Variants in USP3 observed in about 807,000 individuals in gnomAD.
The protein encoded by USP3 is ubiquitin carboxyl-terminal hydrolase 3.
Under a neutral mutation model 72.3 loss-of-function variants are expected in USP3, and 20 were observed. The ratio of observed to expected loss-of-function variants is 0.28; its 90% CI spans 0.19 to 0.40. The LOEUF (loss-of-function observed/expected upper bound fraction) is 0.40. USP3 is among the 10% of genes least tolerant of loss of function. USP3 has a pLI of 1.00. For missense variants in USP3, 479 were observed against 633.9 expected, an observed-to-expected ratio of 0.76 and a Z score of 2.62; for synonymous variants, 222 against 225.3, an observed-to-expected ratio of 0.99 and a Z score of 0.13.
At chr15:63,586,004 G>A (rs1186518936) in intron 11 of USP3, among the ~76,000 whole-genome samples, 1 of 152,086 alleles carries the variant, frequency 6.6e-6, no homozygotes, top group Non-Finnish European at 1.5e-5. Flanking sequence ...CATCAATAGT[G>A]AGTCTTCCTA....
chr15:63,504,836 T>C lies in USP3; in HGVS notation c.91+6T>C. The C allele has an allele frequency of 1.9e-6, 3 of 1,599,788 alleles. No homozygotes were observed. The highest frequency in any genetic ancestry group is 2.6e-6 in the Non-Finnish European group (3 of 1,174,646). On this transcript the variant is annotated splice_donor_region_variant and intron_variant, in intron 1 of 14. Transcript: ENST00000380324. Reference sequence around the variant, plus strand: ...GTCGTCCTGGTGCTGCAGCGGTGAGTGCGGCCACGGGCCGGCCCCGCAGCG... The same window carrying C: ...GTCGTCCTGGTGCTGCAGCGGTGAGCGCGGCCACGGGCCGGCCCCGCAGCG...
In USP3 at chr15:63,592,498, G is replaced by C. The variant is rs1445474616; in HGVS notation, c.*1672G>C. 6.7e-6 allele frequency: 1 copy of C among 149,092 alleles called. No individual in the cohort carries two copies. The highest frequency in any genetic ancestry group is 1.5e-5 in the Non-Finnish European group (1 of 67,620). 9.2% of individuals were successfully genotyped at this position (149,092 alleles called of 1,614,324 possible). ...GTCTTACTCTGTCCCTCAGGCTGGA[G>C]TGCAGTGTGGCATGATCACAGCTCA... On this transcript the variant is annotated 3_prime_UTR_variant, in exon 15 of 15. Transcript: ENST00000380324.
At chr15:63,512,968 GA>G (rs1253166236) in intron 1 of USP3, among the ~76,000 whole-genome samples, 2 of 152,208 alleles carry the variant, frequency 1.3e-5, no homozygotes, top group African/African-American at 4.8e-5. Context: ...ACCCTTTGAA[GA>G]GGGAATTGTG....
rs191085227 is a variant in USP3, at chr15:63,591,652, C to A, written c.*826C>A. 6.6e-6 allele frequency: 1 copy of A among 152,178 alleles called. No individual in the cohort carries two copies. The highest frequency in any genetic ancestry group is 1.5e-5 in the Non-Finnish European group (1 of 68,050). The allele number at this position is 152,178 out of a possible 1,614,324, so 9.4% of individuals were successfully genotyped here. On this transcript the variant is annotated 3_prime_UTR_variant, in exon 15 of 15. Coordinates refer to ENST00000380324, the MANE Select transcript of USP3 (RefSeq NM_006537.4). ...CTTTTGAATCAGTATCTCATTCCCC[C>A]TTAGTTGTACCACTGGAAGTCACGA...
At chr15:63,518,794 C>G (rs543742530) in intron 1 of USP3, among the ~76,000 whole-genome samples, 105 of 151,564 alleles carry the variant, frequency 6.9e-4, no homozygotes, top group African/African-American at 2.5e-3. Flanking sequence ...GGGACGGAGT[C>G]TTGCTCCGTT....
chr15:63,549,117 A>G (rs898945443), intron 3 of USP3, among the ~76,000 whole-genome samples: 6 of 152,228 alleles, frequency 3.9e-5, no homozygotes, highest in Non-Finnish European at 8.8e-5. Flanking sequence ...CATGTAATCA[A>G]TGTAAAATTA....
Position 63,558,129 on chromosome 15 carries a change from C to T in USP3, c.474C>T (p.Ala158=), listed in dbSNP as rs757436578. 1.4e-5 allele frequency: 22 copies of T among 1,614,162 alleles called. No individual in the cohort carries two copies. The highest frequency in any genetic ancestry group is 2.2e-5 in the East Asian group (1 of 44,878). Residue 158 remains alanine (A), a synonymous_variant, in exon 6 of 15, where the codon GCC becomes GCT. Coordinates refer to ENST00000380324, the MANE Select transcript of USP3 (RefSeq NM_006537.4). Reference sequence around the variant, plus strand: ...AGGGAAGCACCACTGCCATTTGTGCCACAGGCCTTCGGAATTTGGGGAACA... The same window carrying T: ...AGGGAAGCACCACTGCCATTTGTGCTACAGGCCTTCGGAATTTGGGGAACA... ...KVNGSTTAIC[A]TGLRNLGNTC...
At position 63,558,935 on chromosome 15, in the gene USP3, C is replaced by G. The variant is rs539590333; in HGVS notation, c.533+747C>G. On this transcript the variant is annotated intron_variant, in intron 6 of 14. Transcript: ENST00000380324. ...CAACACTTTAAAAATTTAAAACTCG[C>G]TTTAAGAGCTGCCTGGTGGAGGGCT... Among the ~76,000 whole-genome samples, 5 of 152,196 alleles carry G rather than the reference C, an allele frequency of 3.3e-5. No homozygotes were observed. The South Asian group carries it at 1.0e-3, about 32-fold the overall frequency.
Position 63,588,707 on chromosome 15 carries a change from A to C in USP3, c.1221A>C (p.Leu407=), listed in dbSNP as rs146327422. The C allele has an allele frequency of 6.2e-7, 1 of 1,611,838 alleles. No individual in the cohort carries two copies. Among genetic ancestry groups the C allele is most frequent in the African/African-American group, 1.3e-5 (1 of 74,998 alleles). The change falls in exon 13 of 15, where the codon CTA becomes CTC. Residue 407 remains leucine, a synonymous_variant. Coordinates refer to ENST00000380324, the MANE Select transcript of USP3 (RefSeq NM_006537.4). This position sits in a 1 kb window ranked among gnomAD's most constrained non-coding sequence, Gnocchi z 4.6. ...ACCGCATCTCTGTCCTCCAGGTGCTATGCTTACATTTGAAAAGATTTCATT... is the reference window on the plus strand; with the variant it reads ...ACCGCATCTCTGTCCTCCAGGTGCTCTGCTTACATTTGAAAAGATTTCATT... ...KFWIQKLPKV[L]CLHLKRFHWT...
chr15:63,514,183 G>C (rs534710948), intron 1 of USP3, among the ~76,000 whole-genome samples: 15 of 152,140 alleles, frequency 9.9e-5, no homozygotes, highest in Admixed American at 9.2e-4. Context: ...TATTTGCTTT[G>C]AATGTTTTGT....
At position 63,591,882 on chromosome 15, in the gene USP3, C is replaced by CTGT. The variant is rs2067207819; in HGVS notation, c.*1059_*1061dup. On this transcript the variant is annotated 3_prime_UTR_variant, in exon 15 of 15. Transcript: ENST00000380324. ...TGATTGATAGGACAAGTTGAAAATA[C>CTGT]TGTTGGAGTAAGTAAGTGGAGTTTT... The CTGT allele has an allele frequency of 6.6e-6, 1 of 151,986 alleles. No homozygotes were observed. Among genetic ancestry groups the CTGT allele is most frequent in the Non-Finnish European group, 1.5e-5 (1 of 68,062 alleles). The allele number at this position is 151,986 out of a possible 1,614,324, so 9.4% of individuals were successfully genotyped here.
At chr15:63,538,662 C>T (rs1250215008) in intron 3 of USP3, among the ~76,000 whole-genome samples, 23 of 151,766 alleles carry the variant, frequency 1.5e-4, no homozygotes, top group Non-Finnish European at 7.4e-5. Flanking sequence ...TCTCCTGCCT[C>T]AGCCTCCTGA....
At chr15:63,535,437 A>T (rs188503215) in intron 2 of USP3, among the ~76,000 whole-genome samples, 21 of 152,352 alleles carry the variant, frequency 1.4e-4, no homozygotes, top group South Asian at 2.1e-4. Flanking sequence ...AACCCATGAG[A>T]CACAAAGTAC....
At chr15:63,504,916 C>T (rs1005880124) in intron 1 of USP3, 86 bp downstream of exon 1, 70 of 1,103,604 alleles carry the variant, frequency 6.3e-5, no homozygotes, top group South Asian at 3.9e-5. Flanking sequence ...AGGCGGCCGG[C>T]GCGCGGACTC....
rs983243284 is a variant in USP3 at position 63,504,639 on chromosome 15, G to C, written c.-101G>C. ...GAGACGCAGCCGCCGTCGGCCGAGCGCCCGGCTAGAAGCGACACCAGACGG... is the reference window on the plus strand; with the variant it reads ...GAGACGCAGCCGCCGTCGGCCGAGCCCCCGGCTAGAAGCGACACCAGACGG... On this transcript the variant is annotated 5_prime_UTR_variant, in exon 1 of 15. Coordinates refer to ENST00000380324, the MANE Select transcript of USP3 (RefSeq NM_006537.4). 3.4e-5 allele frequency: 35 copies of C among 1,040,364 alleles called. No individual in the cohort carries two copies. The highest frequency in any genetic ancestry group is 4.5e-5 in the Non-Finnish European group (34 of 758,480). 64.4% of individuals were successfully genotyped at this position (1,040,364 alleles called of 1,614,324 possible). A position where few individuals can be genotyped will look rare whatever the true frequency, so the allele number is the denominator to read the frequency against.
chr15:63,511,392 A>G (rs1371300334), intron 1 of USP3, among the ~76,000 whole-genome samples: 1 of 151,924 alleles, frequency 6.6e-6, no homozygotes, highest in Admixed American at 6.6e-5. Context: ...ATATGAAAAT[A>G]TATTTTAAGT....
intron 11 of USP3, among the ~76,000 whole-genome samples, chr15:63,578,917 C>G (rs1274800014): frequency 6.6e-6 from 1 of 152,122 alleles, no homozygotes; most frequent in African/African-American, 2.4e-5. Context: ...GAAATATTAA[C>G]AACTATTGCC....
chr15:63,514,822 T>A (rs1567090253), intron 1 of USP3, among the ~76,000 whole-genome samples: 2 of 152,188 alleles, frequency 1.3e-5, no homozygotes, highest in African/African-American at 4.8e-5. Context: ...ATGACCTGAT[T>A]CATGTCTTTT....
Position 63,591,288 on chromosome 15 carries a change from G to A in USP3, c.*462G>A, listed in dbSNP as rs577982617. 1 of 153,366 alleles carries A rather than the reference G, an allele frequency of 6.5e-6. No individual in the cohort carries two copies. Among genetic ancestry groups the A allele is most frequent in the South Asian group, 2.0e-4 (1 of 4,882 alleles). The allele number at this position is 153,366 out of a possible 1,614,324, so 9.5% of individuals were successfully genotyped here. A position where few individuals can be genotyped will look rare whatever the true frequency, so the allele number is the denominator to read the frequency against. On this transcript the variant is annotated 3_prime_UTR_variant, in exon 15 of 15. Transcript: ENST00000380324. ...CAAGGATCATGTGTGCACAATACTT[G>A]TGGCCCACAAAATTTCACAATGACT...
Sources: gnomAD v4.1 joint callset for allele counts (sites outside exome capture counted in the v4.1 genomes callset) on GRCh38, gnomAD v4.1.1 for gene constraint, Gnocchi (gnomAD v3.1) non-coding constraint, MANE v1.5 for transcripts, NCBI Gene and HGNC (gene_info 2026-07-23, HGNC 2026-07-21) for gene names.